Variants in NELL1 observed in about 807,000 individuals in gnomAD.
NELL1 encodes the protein protein kinase C-binding protein NELL1.
In NELL1, 76 loss-of-function variants were observed where a neutral mutation model predicts 107.4. The ratio of observed to expected loss-of-function variants is 0.71; its 90% confidence interval spans 0.59 to 0.86. The LOEUF (loss-of-function observed/expected upper bound fraction) is 0.86, where lower values mean the gene tolerates loss of function less well. Among genes scored for constraint, NELL1 ranks in the 40% least tolerant of loss-of-function variants. NELL1 has a pLI of 0.00. For synonymous variants in NELL1, 353 were observed against 341.2 expected (o/e 1.03, Z -0.38); for missense variants, 1,024 against 1,005.5 (o/e 1.02, Z -0.25).
chr11:21,362,974 T>A (rs1454504767), intron 14 of NELL1, among the ~76,000 whole-genome samples: 2 of 142,772 alleles, frequency 1.4e-5, no homozygotes, highest in Admixed American at 7.1e-5. Flanking sequence ...TAGCGAGAGG[T>A]CTCACCCAGC....
At position 21,283,927 on chromosome 11, in the gene NELL1, G is replaced by A. The variant is rs141815899; in HGVS notation, c.1549+54473G>A. 373 of 245,366 alleles carry A rather than the reference G, an allele frequency of 1.5e-3. 3 individuals carry two copies. The highest frequency in any genetic ancestry group is 7.7e-3 in the African/African-American group (344 of 44,716). 15.2% of individuals were successfully genotyped at this position (245,366 alleles called of 1,614,324 possible). On this transcript the variant is annotated intron_variant, in intron 14 of 19. Transcript: ENST00000357134. ...TTTCTCACACAATTCCTCCATCAGC[G>A]AAGTGTGGTGGGCAGCACACAGTGA...
At chr11:21,025,071 G>T (rs535141988) in intron 12 of NELL1, among the ~76,000 whole-genome samples, 1 of 152,008 alleles carries the variant, frequency 6.6e-6, no homozygotes, top group Admixed American at 6.6e-5. Context: ...TGGGGACCAT[G>T]GTCTGTATAA....
At chr11:21,519,508 TTTTG>T (rs71034527) in intron 15 of NELL1, among the ~76,000 whole-genome samples, 49,101 of 150,212 alleles carry the variant, frequency 0.33, 9,348 homozygotes, top group Non-Finnish European at 0.43. Context: ...ATAGGCTTCC[TTTTG>T]TTTGTTTGTT....
chr11:20,887,020 G>A (rs1262976578), intron 5 of NELL1, among the ~76,000 whole-genome samples: 2 of 151,920 alleles, frequency 1.3e-5, no homozygotes, highest in Non-Finnish European at 2.9e-5. Flanking sequence ...CTCCTCACCC[G>A]AAGCCTTTAG....
At chr11:21,245,443 CT>C in intron 14 of NELL1, among the ~76,000 whole-genome samples, 1 of 152,132 alleles carries the variant, frequency 6.6e-6, no homozygotes, top group East Asian at 1.9e-4. Context: ...CTGTTGTGTC[CT>C]CAGTTGGAAG....
chr11:21,204,723 C>T lies in NELL1; in HGVS notation c.1427-24609C>T, dbSNP rs59473781. 9.9e-5 allele frequency among the ~76,000 whole-genome samples: 15 copies of T among 152,088 alleles called. No individual in the cohort carries two copies. The South Asian group carries it at 2.7e-3, about 27-fold the overall frequency. ...TTTTCTGGAATTTTCAGTCTTTTTA[C>T]GCTGGTTTCTCCCCCATCTTTGTGT... On this transcript the variant is annotated intron_variant, in intron 13 of 19. Coordinates refer to ENST00000357134, the MANE Select transcript of NELL1 (RefSeq NM_006157.5).
intron 12 of NELL1, among the ~76,000 whole-genome samples, chr11:21,111,581 C>T (rs1855109358): frequency 6.6e-6 from 1 of 152,044 alleles, no homozygotes; most frequent in Non-Finnish European, 1.5e-5. Flanking sequence ...GCTTGCTCCT[C>T]ACTTGGGGGC....
At chr11:20,786,374 CG>C (rs1302347489) in intron 3 of NELL1, among the ~76,000 whole-genome samples, 1 of 149,622 alleles carries the variant, frequency 6.7e-6, no homozygotes, top group African/African-American at 2.5e-5. Context: ...AAAAAAAAGG[CG>C]GGGGGAGAAG....
chr11:21,284,771 G>A, intron 14 of NELL1: 1 of 341,236 alleles, frequency 2.9e-6, no homozygotes, highest in Non-Finnish European at 5.8e-6. Flanking sequence ...CCGCCATGCT[G>A]CTGGCAATTT....
intron 13 of NELL1, among the ~76,000 whole-genome samples, chr11:21,154,750 G>A (rs537740234): frequency 2.6e-5 from 4 of 152,294 alleles, no homozygotes; most frequent in South Asian, 4.1e-4. Context: ...AGGCAATCAT[G>A]AGATGGGTAT....
chr11:21,206,769 GAAC>G (rs1313455656), intron 13 of NELL1, among the ~76,000 whole-genome samples: 5 of 152,122 alleles, frequency 3.3e-5, no homozygotes, highest in Admixed American at 2.6e-4. Flanking sequence ...GAAAGGGAAA[GAAC>G]AACATGTTCA....
At chr11:20,912,860 C>T (rs1359706115) in intron 5 of NELL1, among the ~76,000 whole-genome samples, 1 of 152,172 alleles carries the variant, frequency 6.6e-6, no homozygotes, top group Non-Finnish European at 1.5e-5. Flanking sequence ...TGCCTCCCAT[C>T]TTTAATTCTT....
At chr11:21,016,970 A>G (rs539299874) in intron 12 of NELL1, among the ~76,000 whole-genome samples, 1 of 152,166 alleles carries the variant, frequency 6.6e-6, no homozygotes, top group South Asian at 2.1e-4. Flanking sequence ...TCTGGTCTCA[A>G]TTCCTAGGTG....
chr11:20,954,860 C>G (rs201728752), intron 11 of NELL1, among the ~76,000 whole-genome samples: 1 of 152,150 alleles, frequency 6.6e-6, no homozygotes, highest in East Asian at 1.9e-4. Context: ...TTAATAGAAA[C>G]ATATGCATTG....
At chr11:20,738,168 G>C (rs56994619) in intron 2 of NELL1, among the ~76,000 whole-genome samples, 37,482 of 151,946 alleles carry the variant, frequency 0.25, 5,828 homozygotes, top group African/African-American at 0.43. Flanking sequence ...CGTGTGCACA[G>C]CTGTGCACGT....
intron 7 of NELL1, 91 bp downstream of exon 7, chr11:20,919,425 G>A (rs1413930098): frequency 2.6e-6 from 2 of 779,362 alleles, no homozygotes; most frequent in South Asian, 1.7e-5. Context: ...AACATTTTTA[G>A]CCTCGGCATC....
At chr11:21,090,201 C>T (rs1854490067) in intron 12 of NELL1, among the ~76,000 whole-genome samples, 1 of 152,090 alleles carries the variant, frequency 6.6e-6, no homozygotes, top group Non-Finnish European at 1.5e-5. Context: ...AAACATTGGT[C>T]TCAGCTGGGT....
intron 15 of NELL1, among the ~76,000 whole-genome samples, chr11:21,431,076 TATC>T (rs1333165050): frequency 2.0e-5 from 3 of 152,056 alleles, no homozygotes; most frequent in African/African-American, 7.3e-5. Context: ...GAGCTAATCA[TATC>T]ATAATTTATG....
rs1490809561 is a variant in NELL1, at chr11:21,374,887, CTGTGTGTGTGTGTGTGT to C, written c.1645+3940_1645+3956del. Among the ~76,000 whole-genome samples, 162 of 143,850 alleles carry C rather than the reference CTGTGTGTGTGTGTGTGT, an allele frequency of 1.1e-3. 1 individual carries two copies. The highest frequency in any genetic ancestry group is 4.1e-3 in the African/African-American group (158 of 38,442). The allele number at this position is 143,850 out of a possible 152,430, so 94.4% of individuals were successfully genotyped here. On this transcript the variant is annotated intron_variant, in intron 15 of 19. Transcript: ENST00000357134. ...GCTGTGTGGAACTGACTGTGTGTGTCTGTGTGTGTGTGTGTGTGTGTGTGTGTGTGTGTGTGTGTGTA... is the reference window on the plus strand; with the variant it reads ...GCTGTGTGGAACTGACTGTGTGTGTCGTGTGTGTGTGTGTGTGTGTGTGTA...
Sources: gnomAD v4.1 joint callset for allele counts (sites outside exome capture counted in the v4.1 genomes callset) on GRCh38, gnomAD v4.1.1 for gene constraint, MANE v1.5 for transcripts, NCBI Gene and HGNC (gene_info 2026-07-23, HGNC 2026-07-21) for gene names.